Variants in L3MBTL4 observed in about 807,000 individuals in gnomAD.
The protein encoded by L3MBTL4 is L3MBTL histone methyl-lysine binding protein 4, also known as lethal(3)malignant brain tumor-like protein 4.
A neutral mutation model predicts 84.5 loss-of-function variants in L3MBTL4; 70 were observed. The observed-to-expected ratio is 0.83, with a 90% confidence interval of 0.68 to 1.01. The LOEUF is 1.01. Among genes scored for constraint, L3MBTL4 ranks in the 50% least tolerant of loss-of-function variants. The pLI is 0.00. For missense variants in L3MBTL4, 715 were observed against 754.8 expected (o/e 0.95, Z 0.62); for synonymous variants, 274 against 259.8 (o/e 1.05, Z -0.52).
intron 4 of L3MBTL4, among the ~76,000 whole-genome samples, chr18:6,266,298 T>A (rs1014796404): frequency 6.6e-5 from 10 of 152,190 alleles, no homozygotes; most frequent in African/African-American, 2.4e-4. Flanking sequence ...ATGGCAAGAT[T>A]GACATAAATA....
intron 12 of L3MBTL4, among the ~76,000 whole-genome samples, chr18:6,184,191 T>C (rs540338628): frequency 1.3e-5 from 2 of 152,238 alleles, no homozygotes; most frequent in Non-Finnish European, 2.9e-5. Context: ...TAGTACAACA[T>C]TAATCTTATT....
chr18:5,956,039 G>GT lies in L3MBTL4; in HGVS notation c.*180dup, dbSNP rs1262153337. 1 of 592,406 alleles carries GT rather than the reference G, an allele frequency of 1.7e-6. No individual in the cohort carries two copies. The highest frequency in any genetic ancestry group is 1.9e-5 in the African/African-American group (1 of 53,788). 36.7% of individuals were successfully genotyped at this position (592,406 alleles called of 1,614,324 possible). On this transcript the variant is annotated 3_prime_UTR_variant, in exon 19 of 19. Coordinates refer to ENST00000317931, the MANE Select transcript of L3MBTL4 (RefSeq NM_001330559.2). ...CCCACAGATGGGCCTAAGCCTCTGA[G>GT]TCATTGGCACTGGACCAGTCATCAA...
At chr18:6,290,439 CTG>C (rs1196838829) in intron 4 of L3MBTL4, among the ~76,000 whole-genome samples, 6 of 152,070 alleles carry the variant, frequency 3.9e-5, no homozygotes, top group Non-Finnish European at 5.9e-5. Flanking sequence ...ATTTAATTCT[CTG>C]TATTGCTTTT....
intron 12 of L3MBTL4, among the ~76,000 whole-genome samples, chr18:6,180,261 C>A (rs985566893): frequency 6.6e-6 from 1 of 151,282 alleles, no homozygotes; most frequent in Non-Finnish European, 1.5e-5. Flanking sequence ...CTTCAAAACA[C>A]CTTACTCTCA....
intron 14 of L3MBTL4, among the ~76,000 whole-genome samples, chr18:6,114,360 G>A (rs1446796999): frequency 6.6e-6 from 1 of 152,146 alleles, no homozygotes; most frequent in East Asian, 1.9e-4. Flanking sequence ...GACTCCACTT[G>A]AAATTTATCT....
At chr18:6,354,160 G>T (rs1401811427) in intron 1 of L3MBTL4, among the ~76,000 whole-genome samples, 1 of 152,026 alleles carries the variant, frequency 6.6e-6, no homozygotes, top group Non-Finnish European at 1.5e-5. Flanking sequence ...TTCAACAAAG[G>T]TCCCAAGAAC....
intron 5 of L3MBTL4, among the ~76,000 whole-genome samples, chr18:6,254,287 A>AAAT (rs1165290306): frequency 2.0e-5 from 3 of 152,164 alleles, no homozygotes; most frequent in African/African-American, 7.2e-5. Context: ...CCCACTGACT[A>AAAT]AATAATAATA....
At chr18:6,290,317 A>G (rs1182969364) in intron 4 of L3MBTL4, among the ~76,000 whole-genome samples, 1 of 151,846 alleles carries the variant, frequency 6.6e-6, no homozygotes, top group Non-Finnish European at 1.5e-5. Flanking sequence ...CCTAAGAAAC[A>G]GAGTGTATAG....
rs1911464232 is a variant in L3MBTL4 at position 6,271,893 on chromosome 18, A to C, written c.128-7855T>G. Among the ~76,000 whole-genome samples the C allele has an allele frequency of 3.3e-5, 5 of 152,336 alleles. No homozygotes were observed. The South Asian group carries it at 1.0e-3, about 32-fold the overall frequency. On this transcript the variant is annotated intron_variant, in intron 4 of 18. Transcript: ENST00000317931. Reference sequence around the variant, plus strand: ...GGAGACACTGCTGGATCTGACAGCCAGGGTGTCACCGGGACCGCAGAGGCA... The same window carrying C: ...GGAGACACTGCTGGATCTGACAGCCCGGGTGTCACCGGGACCGCAGAGGCA...
At chr18:6,059,870 G>T (rs1290123743) in intron 16 of L3MBTL4, among the ~76,000 whole-genome samples, 1 of 152,180 alleles carries the variant, frequency 6.6e-6, no homozygotes, top group East Asian at 1.9e-4. Context: ...TCTAACCTGG[G>T]ATAAAGTTCT....
intron 14 of L3MBTL4, among the ~76,000 whole-genome samples, chr18:6,110,606 T>C (rs1177247868): frequency 2.1e-4 from 19 of 89,970 alleles, no homozygotes; most frequent in South Asian, 8.8e-4. Context: ...ATGTGTGGCA[T>C]GGGGGGGTGG....
intron 1 of L3MBTL4, among the ~76,000 whole-genome samples, chr18:6,392,125 A>C (rs2055081155): frequency 6.6e-6 from 1 of 152,346 alleles, no homozygotes; most frequent in South Asian, 2.1e-4. Context: ...CAGTTACCAA[A>C]ACAGCATGGT....
At chr18:6,059,434 A>C (rs1343762821) in intron 16 of L3MBTL4, among the ~76,000 whole-genome samples, 1 of 152,250 alleles carries the variant, frequency 6.6e-6, no homozygotes, top group Non-Finnish European at 1.5e-5. Context: ...AATAATGTTT[A>C]TAATTCTTAA....
intron 16 of L3MBTL4, among the ~76,000 whole-genome samples, chr18:6,006,119 G>A (rs1054158188): frequency 3.9e-5 from 6 of 152,072 alleles, no homozygotes; most frequent in Non-Finnish European, 7.4e-5. Context: ...TACAGGTTAC[G>A]GACTGTTTTA....
intron 10 of L3MBTL4, among the ~76,000 whole-genome samples, chr18:6,226,641 T>C (rs928363945): frequency 2.0e-5 from 3 of 152,186 alleles, no homozygotes; most frequent in African/African-American, 7.2e-5. Flanking sequence ...TGGGAACAGC[T>C]ATACTATTTC....
intron 13 of L3MBTL4, among the ~76,000 whole-genome samples, chr18:6,162,537 C>A (rs910052270): frequency 2.6e-5 from 4 of 152,092 alleles, no homozygotes; most frequent in African/African-American, 9.7e-5. Flanking sequence ...CTATTTTGAT[C>A]TGATTTTAAA....
At chr18:6,318,763 C>A in intron 1 of L3MBTL4, among the ~76,000 whole-genome samples, 1 of 151,860 alleles carries the variant, frequency 6.6e-6, no homozygotes, top group Non-Finnish European at 1.5e-5. Flanking sequence ...AATTAAACTA[C>A]ATGATAGAAC....
chr18:6,400,692 G>T (rs930417459), intron 1 of L3MBTL4, among the ~76,000 whole-genome samples: 1 of 152,134 alleles, frequency 6.6e-6, no homozygotes, highest in African/African-American at 2.4e-5. Flanking sequence ...GATTACAGGC[G>T]TGAGACACCA....
Position 5,963,819 on chromosome 18 carries a change from C to T in L3MBTL4, c.1615-3663G>A, listed in dbSNP as rs1356285213. Among the ~76,000 whole-genome samples, 2 of 152,228 alleles carry T rather than the reference C, an allele frequency of 1.3e-5. 1 individual carries two copies. Among genetic ancestry groups the T allele is most frequent in the East Asian group, 3.9e-4 (2 of 5,192 alleles). On this transcript the variant is annotated intron_variant, in intron 17 of 18. Transcript: ENST00000317931. ...AATATCAAGAAGTTTCCCTCTCATT[C>T]TCCCTTTAAAAGAGAGAGATTTTTT...
Sources: allele counts gnomAD v4.1 joint callset (sites outside exome capture counted in the v4.1 genomes callset), GRCh38; gene constraint gnomAD v4.1.1; transcripts MANE v1.5; gene names NCBI Gene and HGNC (gene_info 2026-07-23, HGNC 2026-07-21).